The following PPP1CC variants were observed in gnomAD, a reference collection of about 807,000 sequenced individuals.
PPP1CC encodes the protein serine/threonine-protein phosphatase PP1-gamma catalytic subunit.
In PPP1CC, 16 loss-of-function variants were observed where a neutral mutation model predicts 38.4. That is an observed-to-expected ratio of 0.42 (90% confidence interval 0.28 to 0.63). PPP1CC has a LOEUF of 0.63. Ranked by LOEUF, PPP1CC falls within the 30% of genes least tolerant of loss-of-function variation. PPP1CC has a pLI of 0.25. For synonymous variants in PPP1CC, 158 were observed against 136.0 expected, an observed-to-expected ratio of 1.16 and a Z score of -1.13; for missense variants, 170 against 391.3, an observed-to-expected ratio of 0.43 and a Z score of 4.77.
chr12:110,733,347 T>G (rs369695861), intron 1 of PPP1CC, among the ~76,000 whole-genome samples: 1 of 152,238 alleles, frequency 6.6e-6, no homozygotes, highest in East Asian at 1.9e-4. Context: ...TATGAATGAA[T>G]AGCTGACTCT....
intron 1 of PPP1CC, among the ~76,000 whole-genome samples, chr12:110,741,195 G>GT (rs141619880): frequency 0.17 from 24,739 of 147,732 alleles, 2,955 homozygotes; most frequent in African/African-American, 0.35. Flanking sequence ...TTTTTTTGTT[G>GT]TTTTTTTTTT....
chr12:110,742,735 GCGGCGCCGCCGC>G lies in PPP1CC; in HGVS notation c.-40_-29del. Reference sequence around the variant, plus strand: ...CCTTCCCACCGCCGACCCTCCCGCAGCGGCGCCGCCGCCGGCTCGCGCCCGGGACTCACACCT... The same window carrying G: ...CCTTCCCACCGCCGACCCTCCCGCAGCGGCTCGCGCCCGGGACTCACACCT... On this transcript the variant is annotated 5_prime_UTR_variant, in exon 1 of 7. Coordinates refer to ENST00000335007, the MANE Select transcript of PPP1CC (RefSeq NM_002710.4). The G allele has an allele frequency of 7.2e-7, 1 of 1,391,912 alleles. No individual in the cohort carries two copies. Among genetic ancestry groups the G allele is most frequent in the South Asian group, 1.7e-5 (1 of 57,336 alleles). 86.2% of individuals were successfully genotyped at this position (1,391,912 alleles called of 1,614,324 possible).
At chr12:110,739,854 C>A (rs894271365) in intron 1 of PPP1CC, among the ~76,000 whole-genome samples, 1 of 152,222 alleles carries the variant, frequency 6.6e-6, no homozygotes, top group African/African-American at 2.4e-5. Context: ...ACCAAATCAA[C>A]AGCTGGCTTA....
the PPP1CC span, among the ~76,000 whole-genome samples, chr12:110,713,946 A>G: frequency 6.6e-6 from 1 of 152,084 alleles, no homozygotes; most frequent in African/African-American, 2.4e-5. Context: ...TAAAAGTACA[A>G]AAATTAGCTC....
Position 110,730,722 on chromosome 12 carries a change from A to G in PPP1CC, c.225T>C (p.Leu75=). Residue 75 remains leucine, a synonymous_variant, in exon 3 of 7, where the codon CTT becomes CTC. Coordinates refer to ENST00000335007, the MANE Select transcript of PPP1CC (RefSeq NM_002710.4). ...IHGQYYDLLR[L]FEYGGFPPES... Reference sequence around the variant, plus strand: ...CTGGTGGGAAACCACCGTACTCAAAAAGTCGCAGCAAATCATAGTATTGTC... The same window carrying G: ...CTGGTGGGAAACCACCGTACTCAAAGAGTCGCAGCAAATCATAGTATTGTC... 6.2e-7 allele frequency: 1 copy of G among 1,613,914 alleles called. No individual in the cohort carries two copies. The highest frequency in any genetic ancestry group is 8.5e-7 in the Non-Finnish European group (1 of 1,179,956).
downstream of PPP1CC, among the ~76,000 whole-genome samples, chr12:110,716,378 A>G (rs1171597941): frequency 1.0e-4 from 15 of 150,152 alleles, 1 homozygote; most frequent in Non-Finnish European, 1.9e-4. Flanking sequence ...TTTGAGATAG[A>G]GTCTCGCTCT....
At chr12:110,708,850 CAAAAAAA>C in the PPP1CC span, among the ~76,000 whole-genome samples, 1 of 65,436 alleles carries the variant, frequency 1.5e-5, no homozygotes, top group African/African-American at 4.8e-5. Flanking sequence ...GAGTCCATCT[CAAAAAAA>C]AAAAAAAAAA....
the PPP1CC span, among the ~76,000 whole-genome samples, chr12:110,708,564 T>C: frequency 2.0e-5 from 3 of 152,102 alleles, no homozygotes; most frequent in African/African-American, 7.2e-5. Flanking sequence ...AAATGTCAAG[T>C]GGGTCTGGGC....
downstream of PPP1CC, among the ~76,000 whole-genome samples, chr12:110,716,616 C>A (rs918290135): frequency 2.0e-5 from 3 of 152,120 alleles, no homozygotes; most frequent in African/African-American, 7.2e-5. Flanking sequence ...GCCTCCCAAT[C>A]ACGCTGGAAT....
In PPP1CC at chr12:110,742,888, G is replaced by A. The variant is rs1049066379; in HGVS notation, c.-181C>T. 8 of 423,692 alleles carry A rather than the reference G, an allele frequency of 1.9e-5. No homozygotes were observed. The highest frequency in any genetic ancestry group is 2.9e-5 in the Non-Finnish European group (7 of 245,220). 26.2% of individuals were successfully genotyped at this position (423,692 alleles called of 1,614,324 possible). A position where few individuals can be genotyped will look rare whatever the true frequency, so the allele number is the denominator to read the frequency against. On this transcript the variant is annotated 5_prime_UTR_variant, in exon 1 of 7. Coordinates refer to ENST00000335007, the MANE Select transcript of PPP1CC (RefSeq NM_002710.4). Reference sequence around the variant, plus strand: ...CCTTCTCTCCCCACTGGAACCACGAGAAGAACAAAATGGCCGCCGACTCCT... The same window carrying A: ...CCTTCTCTCCCCACTGGAACCACGAAAAGAACAAAATGGCCGCCGACTCCT...
chr12:110,714,014 G>A, the PPP1CC span, among the ~76,000 whole-genome samples: 1 of 152,072 alleles, frequency 6.6e-6, no homozygotes, highest in African/African-American at 2.4e-5. Context: ...TGGGAGAATC[G>A]TTTGAACTTG....
At chr12:110,725,258 G>C (rs1354060767) in intron 3 of PPP1CC, 1 of 152,576 alleles carries the variant, frequency 6.6e-6, no homozygotes, top group Admixed American at 6.5e-5. Context: ...GAAATTGTCT[G>C]CTCTGTCCAA....
In PPP1CC at chr12:110,719,852, G is replaced by T; in HGVS notation, c.*1224C>A. ...TTATTCAGGAAAATCTATTCAATATGCCATCAACAGTTCTCCTGTGTGTAT... is the reference window on the plus strand; with the variant it reads ...TTATTCAGGAAAATCTATTCAATATTCCATCAACAGTTCTCCTGTGTGTAT... On this transcript the variant is annotated 3_prime_UTR_variant, in exon 7 of 7. Transcript: ENST00000335007. The T allele has an allele frequency of 2.8e-6, 1 of 361,642 alleles. No homozygotes were observed. The highest frequency in any genetic ancestry group is 5.0e-6 in the Non-Finnish European group (1 of 200,738). 22.4% of individuals were successfully genotyped at this position (361,642 alleles called of 1,614,324 possible).
the PPP1CC span, among the ~76,000 whole-genome samples, chr12:110,708,923 T>A: frequency 7.2e-4 from 109 of 151,216 alleles, 6 homozygotes; most frequent in South Asian, 0.022. Context: ...TCTAGGTTGA[T>A]ACTGCCCCAG....
chr12:110,739,541 C>T (rs2069988884), intron 1 of PPP1CC, among the ~76,000 whole-genome samples: 1 of 152,050 alleles, frequency 6.6e-6, no homozygotes, highest in South Asian at 2.1e-4. Context: ...AATATCTGAA[C>T]ACTCCCTACC....
At chr12:110,717,601 T>G (rs964081053), downstream of PPP1CC, among the ~76,000 whole-genome samples, 1 of 151,948 alleles carries the variant, frequency 6.6e-6, no homozygotes. Flanking sequence ...TTTCACCGTG[T>G]TAGCCAGGAT....
chr12:110,724,779 AG>A lies in PPP1CC; in HGVS notation c.419-16del, dbSNP rs768120355. 7.0e-7 allele frequency: 1 copy of A among 1,431,426 alleles called. No individual in the cohort carries two copies. The highest frequency in any genetic ancestry group is 1.1e-5 in the South Asian group (1 of 87,044). 88.7% of individuals were successfully genotyped at this position (1,431,426 alleles called of 1,614,324 possible). ...TCTTCTTTTACCTGTGATTAAAAAGAGAGTATTACATTAAAAAGAGAGTATT... is the reference window on the plus strand; with the variant it reads ...TCTTCTTTTACCTGTGATTAAAAAGAAGTATTACATTAAAAAGAGAGTATT... On this transcript the variant is annotated splice_polypyrimidine_tract_variant and intron_variant, in intron 3 of 6. Coordinates refer to ENST00000335007, the MANE Select transcript of PPP1CC (RefSeq NM_002710.4).
intron 1 of PPP1CC, among the ~76,000 whole-genome samples, chr12:110,741,504 T>C (rs1045629146): frequency 6.6e-6 from 1 of 152,232 alleles, no homozygotes; most frequent in African/African-American, 2.4e-5. Context: ...GACATGCCCT[T>C]GAATCTGAAA....
At position 110,719,818 on chromosome 12, in the gene PPP1CC, C is replaced by G. The variant is rs1311358702; in HGVS notation, c.*1258G>C. The G allele has an allele frequency of 3.5e-6, 1 of 289,022 alleles. No homozygotes were observed. The highest frequency in any genetic ancestry group is 6.6e-5 in the East Asian group (1 of 15,066). The allele number at this position is 289,022 out of a possible 1,614,324, so 17.9% of individuals were successfully genotyped here. A position where few individuals can be genotyped will look rare whatever the true frequency, so the allele number is the denominator to read the frequency against. ...AACCAAAATGCAACCGTGTGGTTTC[C>G]AGAGCAATTTATTCAGGAAAATCTA... On this transcript the variant is annotated 3_prime_UTR_variant, in exon 7 of 7. Transcript: ENST00000335007.
Sources: allele counts gnomAD v4.1 joint callset (sites outside exome capture counted in the v4.1 genomes callset), GRCh38; gene constraint gnomAD v4.1.1; transcripts MANE v1.5; gene names NCBI Gene and HGNC (gene_info 2026-07-23, HGNC 2026-07-21).